TSPAN11: variants seen among roughly 807,000 people sequenced by gnomAD.
The protein encoded by TSPAN11 is tetraspanin 11, also known as tetraspanin-11.
Under a neutral mutation model 32.9 loss-of-function variants are expected in TSPAN11, and 29 were observed. That is an observed-to-expected ratio of 0.88 (90% CI 0.66 to 1.20). TSPAN11 has a LOEUF of 1.20. Among genes scored for constraint, TSPAN11 ranks in the 50% most tolerant of loss-of-function variants. The pLI is 0.00. For missense variants in TSPAN11, 283 were observed against 329.1 expected (o/e 0.86, Z 1.08); for synonymous variants, 140 against 141.3 (o/e 0.99, Z 0.07).
intron 1 of TSPAN11, among the ~76,000 whole-genome samples, chr12:30,944,820 G>A (rs752397142): frequency 2.8e-4 from 42 of 152,196 alleles, no homozygotes; most frequent in Admixed American, 2.0e-3. Flanking sequence ...CCTCCCCTGA[G>A]TATGGGGTGC....
In TSPAN11 at chr12:30,979,504, C is replaced by T. The variant is rs528293328; in HGVS notation, c.352-62C>T. ...AGCTGGGGGGAGTTGGAAGTGGGCC[C>T]GGTGCCAGGGCAGGGGTGGGGCTGG... On this transcript the variant is annotated intron_variant, in intron 4 of 7. Coordinates refer to ENST00000546076, the MANE Select transcript of TSPAN11 (RefSeq NM_001370302.1). The T allele has an allele frequency of 2.6e-3, 3,899 of 1,511,392 alleles. 8 individuals carry two copies. The highest frequency in any genetic ancestry group is 3.4e-3 in the Non-Finnish European group (3,653 of 1,089,826). 93.6% of individuals were successfully genotyped at this position (1,511,392 alleles called of 1,614,324 possible).
In TSPAN11 at chr12:30,994,162, A is replaced by G; in HGVS notation, c.*2247A>G. The G allele has an allele frequency of 6.6e-6, 1 of 152,484 alleles. No homozygotes were observed. Among genetic ancestry groups the G allele is most frequent in the Non-Finnish European group, 1.5e-5 (1 of 68,138 alleles). 9.4% of individuals were successfully genotyped at this position (152,484 alleles called of 1,614,324 possible). ...AGCCTGGGAGATGAGACAGGGTTAG[A>G]GGAAACAGAGGCCCAGGATACGGCA... On this transcript the variant is annotated 3_prime_UTR_variant, in exon 8 of 8. Coordinates refer to ENST00000546076, the MANE Select transcript of TSPAN11 (RefSeq NM_001370302.1).
chr12:30,969,909 A>T (rs978294348), intron 3 of TSPAN11, among the ~76,000 whole-genome samples: 2 of 152,202 alleles, frequency 1.3e-5, no homozygotes. Context: ...CCATGCGGGC[A>T]GTTTAAATTT....
downstream of TSPAN11, chr12:30,997,614 C>T (rs1939435400): frequency 6.6e-6 from 1 of 152,292 alleles, no homozygotes; most frequent in Non-Finnish European, 1.5e-5. Context: ...GGAAGTCCGC[C>T]CCCATGATCC....
intron 1 of TSPAN11, among the ~76,000 whole-genome samples, chr12:30,932,153 A>G (rs1592457512): frequency 6.6e-6 from 1 of 152,098 alleles, no homozygotes; most frequent in East Asian, 1.9e-4. Context: ...AGATACCATT[A>G]AAGTTATCTT....
chr12:30,959,325 C>T (rs1938562938), intron 2 of TSPAN11, among the ~76,000 whole-genome samples: 2 of 152,128 alleles, frequency 1.3e-5, no homozygotes, highest in African/African-American at 4.8e-5. Flanking sequence ...CACTCAAAAT[C>T]TCAAAATGGG....
intron 1 of TSPAN11, among the ~76,000 whole-genome samples, chr12:30,931,087 T>C (rs1011890772): frequency 3.1e-4 from 47 of 152,154 alleles, no homozygotes; most frequent in African/African-American, 1.1e-3. Context: ...TCCTTGATGG[T>C]AGTGTGGGAT....
rs572252606 is a variant in TSPAN11 at position 30,975,215 on chromosome 12, G to A, written c.277-3346G>A. Among the ~76,000 whole-genome samples the A allele has an allele frequency of 6.6e-6, 1 of 152,288 alleles. No individual in the cohort carries two copies. The highest frequency in any genetic ancestry group is 6.5e-5 in the Admixed American group (1 of 15,302). The stretch of plus-strand genomic sequence containing the variant: ...GCTGGGTAAGGTGCAGGGTGGAGGG[G>A]CAGAGGTGACAGGTCTGTCAGAGCC... On this transcript the variant is annotated intron_variant, in intron 3 of 7. Coordinates refer to ENST00000546076, the MANE Select transcript of TSPAN11 (RefSeq NM_001370302.1). The surrounding 1 kb of genome is among the most constrained non-coding windows in gnomAD (Gnocchi z 4.5).
the TSPAN11 span, among the ~76,000 whole-genome samples, chr12:31,006,298 C>A: frequency 2.6e-5 from 4 of 152,236 alleles, no homozygotes; most frequent in African/African-American, 9.6e-5. Context: ...CCAACCACCC[C>A]AGTGTGGTCC....
rs56296744 is a variant in TSPAN11, at chr12:30,957,228, A to ACCC, written c.84+3165_84+3167dup. 1.8e-4 allele frequency among the ~76,000 whole-genome samples: 19 copies of ACCC among 107,452 alleles called. 2 individuals carry two copies. The highest frequency in any genetic ancestry group is 5.6e-3 in the Middle Eastern group (1 of 180). The allele number at this position is 107,452 out of a possible 152,430, so 70.5% of individuals were successfully genotyped here. On this transcript the variant is annotated intron_variant, in intron 2 of 7. Transcript: ENST00000546076. ...TTTTTGAGTTGCTGAATGGCCTGGG[A>ACCC]CCCCCCCCCCCCCCACACCATGGTC...
rs1384508766 is a variant in TSPAN11 at position 30,982,512 on chromosome 12, G to T, written c.457-20G>T. 1 of 1,596,350 alleles carries T rather than the reference G, an allele frequency of 6.3e-7. No individual in the cohort carries two copies. Among genetic ancestry groups the T allele is most frequent in the Non-Finnish European group, 8.6e-7 (1 of 1,166,744 alleles). ...CGCAGGCCTCTCACCTCCAGCCTCT[G>T]CCTCTGCCTCTGCCTCCAGTTCAAG... On this transcript the variant is annotated intron_variant, in intron 5 of 7. Transcript: ENST00000546076.
intron 5 of TSPAN11, among the ~76,000 whole-genome samples, chr12:30,980,763 C>T (rs2140305058): frequency 1.3e-5 from 2 of 152,288 alleles, no homozygotes; most frequent in South Asian, 4.1e-4. Flanking sequence ...CATGTACACA[C>T]AAGTGCACAC....
At position 30,964,049 on chromosome 12, in the gene TSPAN11, G is replaced by A. The variant is rs747972702; in HGVS notation, c.276+32G>A. 1.2e-5 allele frequency: 19 copies of A among 1,601,000 alleles called. No individual in the cohort carries two copies. In the Middle Eastern group the frequency reaches 1.2e-3, roughly 98 times the overall value. ...GCCCGCCCTGTGCTCTGCAGGGATG[G>A]GGAGCCCTGCACCACCCAGTCAGGT... is the stretch of plus-strand genomic sequence containing the variant. On this transcript the variant is annotated intron_variant, in intron 3 of 7. Coordinates refer to ENST00000546076, the MANE Select transcript of TSPAN11 (RefSeq NM_001370302.1).
At position 30,964,924 on chromosome 12, in the gene TSPAN11, C is replaced by A. The variant is rs558845289; in HGVS notation, c.276+907C>A. On this transcript the variant is annotated intron_variant, in intron 3 of 7. Coordinates refer to ENST00000546076, the MANE Select transcript of TSPAN11 (RefSeq NM_001370302.1). The stretch of plus-strand genomic sequence containing the variant: ...GCCCCCAGAGTTTGGGTTTTGAGCT[C>A]TTTTTCAGCAGGTGGGACAGGTGTG... Among the ~76,000 whole-genome samples the A allele has an allele frequency of 2.0e-5, 3 of 152,296 alleles. No homozygotes were observed. In the South Asian group the frequency reaches 6.2e-4, roughly 32 times the overall value.
intron 2 of TSPAN11, among the ~76,000 whole-genome samples, chr12:30,956,942 C>G (rs1938489651): frequency 6.6e-6 from 1 of 152,204 alleles, no homozygotes; most frequent in Non-Finnish European, 1.5e-5. Flanking sequence ...TAGCTGAGGC[C>G]TTGGTATTTC....
chr12:30,961,663 C>G (rs1050759572), intron 2 of TSPAN11, among the ~76,000 whole-genome samples: 22 of 151,988 alleles, frequency 1.4e-4, no homozygotes, highest in African/African-American at 5.3e-4. Context: ...AACATTAGAT[C>G]CTGGGGAAAA....
At chr12:30,973,532 C>T (rs1938896649) in intron 3 of TSPAN11, among the ~76,000 whole-genome samples, 2 of 152,112 alleles carry the variant, frequency 1.3e-5, no homozygotes, top group African/African-American at 4.8e-5. Context: ...TACAGAAAAC[C>T]TGCCTGCCCT....
At chr12:30,932,539 C>G (rs567848210) in intron 1 of TSPAN11, among the ~76,000 whole-genome samples, 2 of 152,266 alleles carry the variant, frequency 1.3e-5, no homozygotes, top group African/African-American at 4.8e-5. Context: ...TGCGACTGTG[C>G]TGGGCATATG....
intron 3 of TSPAN11, among the ~76,000 whole-genome samples, chr12:30,977,821 G>A (rs570475533): frequency 1.3e-5 from 2 of 152,298 alleles, no homozygotes; most frequent in African/African-American, 4.8e-5. Flanking sequence ...GCAGCAACAG[G>A]GCTGTGAGGT....
Sources: gnomAD v4.1 joint callset for allele counts (sites outside exome capture counted in the v4.1 genomes callset) on GRCh38, gnomAD v4.1.1 for gene constraint, Gnocchi (gnomAD v3.1) non-coding constraint, MANE v1.5 for transcripts, NCBI Gene and HGNC (gene_info 2026-07-23, HGNC 2026-07-21) for gene names.